CHL1: variants seen among roughly 807,000 people sequenced by gnomAD.
CHL1 encodes the protein cell adhesion molecule L1 like, also known as neural cell adhesion molecule L1-like protein.
Under a neutral mutation model 141.9 loss-of-function variants are expected in CHL1, and 96 were observed. That is an observed-to-expected ratio of 0.68 (90% CI 0.57 to 0.80). The LOEUF is 0.80. Ranked by LOEUF, CHL1 falls within the 30% of genes least tolerant of loss-of-function variation. CHL1 has a pLI of 0.00. For synonymous variants in CHL1, 613 were observed against 502.2 expected (o/e 1.22, Z -2.95); for missense variants, 1,820 against 1,457.2 (o/e 1.25, Z -4.05).
intron 2 of CHL1, among the ~76,000 whole-genome samples, chr3:257,880 C>T (rs528534788): frequency 6.6e-6 from 1 of 152,244 alleles, no homozygotes; most frequent in Non-Finnish European, 1.5e-5. Context: ...ATAATCATGT[C>T]ACTTAAATAG....
chr3:389,586 C>A, intron 20 of CHL1, 112 bp downstream of exon 20: 1 of 786,072 alleles, frequency 1.3e-6, no homozygotes, highest in Non-Finnish European at 2.1e-6. Flanking sequence ...AGAGGATGTA[C>A]TAGCCGTGGG....
At chr3:345,205 TAGTC>T (rs1417811174) in intron 9 of CHL1, among the ~76,000 whole-genome samples, 1 of 152,068 alleles carries the variant, frequency 6.6e-6, no homozygotes, top group Non-Finnish European at 1.5e-5. Flanking sequence ...AGGTTGTTGG[TAGTC>T]AGTCCCTCAC....
At chr3:252,705 T>G (rs1693817892) in intron 2 of CHL1, among the ~76,000 whole-genome samples, 1 of 152,054 alleles carries the variant, frequency 6.6e-6, no homozygotes, top group Non-Finnish European at 1.5e-5. Flanking sequence ...GAAAGAGTGC[T>G]GACATGAATT....
At chr3:341,304 T>C (rs1395879478) in intron 6 of CHL1, among the ~76,000 whole-genome samples, 1 of 152,200 alleles carries the variant, frequency 6.6e-6, no homozygotes, top group African/African-American at 2.4e-5. Flanking sequence ...AGTCTACTTC[T>C]AGCATATGCC....
chr3:328,286 A>C lies in CHL1; in HGVS notation c.317A>C (p.Lys106Thr). 1 of 1,612,678 alleles carries C rather than the reference A, an allele frequency of 6.2e-7. No homozygotes were observed. Among genetic ancestry groups the C allele is most frequent in the Non-Finnish European group, 8.5e-7 (1 of 1,179,080 alleles). Residue 106 changes from lysine to threonine, a missense_variant, in exon 5 of 28, where the codon AAA becomes ACA. Transcript: ENST00000256509. ...NEGHISHFQG[K>T]YRCFASNKLG... Reference sequence around the variant, plus strand: ...GGGCACATATCTCACTTTCAAGGGAAATACCGCTGCTTTGCTTCAAATAAA... The same window carrying C: ...GGGCACATATCTCACTTTCAAGGGACATACCGCTGCTTTGCTTCAAATAAA...
intron 9 of CHL1, among the ~76,000 whole-genome samples, chr3:349,068 A>G (rs530790373): frequency 6.6e-6 from 1 of 152,334 alleles, no homozygotes; most frequent in Non-Finnish European, 1.5e-5. Context: ...TCCTTCGCTC[A>G]GCCACACCTA....
chr3:319,088 A>G (rs1700352773), intron 2 of CHL1, among the ~76,000 whole-genome samples: 1 of 142,522 alleles, frequency 7.0e-6, no homozygotes, highest in African/African-American at 2.7e-5. Context: ...GTTCTCATTT[A>G]GAAGTGGAAG....
intron 2 of CHL1, among the ~76,000 whole-genome samples, chr3:285,402 A>G (rs1165297651): frequency 6.6e-6 from 1 of 152,216 alleles, no homozygotes; most frequent in East Asian, 1.9e-4. Context: ...ATATTTTTAT[A>G]CTGCAATTAA....
chr3:369,231 T>C (rs539464674), intron 15 of CHL1, among the ~76,000 whole-genome samples: 1 of 96,778 alleles, frequency 1.0e-5, no homozygotes. Flanking sequence ...TCCATGAGGA[T>C]GGGATTTTTT....
chr3:382,536 G>T lies in CHL1; in HGVS notation c.2041G>T (p.Val681Phe), dbSNP rs769437685. 2 of 1,613,878 alleles carry T rather than the reference G, an allele frequency of 1.2e-6. No homozygotes were observed. The highest frequency in any genetic ancestry group is 4.5e-5 in the East Asian group (2 of 44,878). ...TGGAAGGTGGGAGGAACTGACCAGA[G>T]TCCAAGGAAAGAAAACCACAGTTAT... is the stretch of plus-strand genomic sequence containing the variant. The part of the protein sequence containing the change: ...EPGRWEELTR[V>F]QGKKTTVILP... The change falls in exon 18 of 28, where the codon GTC (valine) becomes TTC (phenylalanine). Residue 681 changes from valine (V) to phenylalanine (F), a missense_variant. Transcript: ENST00000256509.
chr3:314,050 G>A (rs1366910468), intron 2 of CHL1, among the ~76,000 whole-genome samples: 3 of 152,040 alleles, frequency 2.0e-5, no homozygotes, highest in Non-Finnish European at 4.4e-5. Context: ...AAGAGGTGCA[G>A]ACAGTATGGT....
rs573129212 is a variant in CHL1 at position 319,484 on chromosome 3, A to T, written c.-94-199A>T. Among the ~76,000 whole-genome samples, 17 of 151,450 alleles carry T rather than the reference A, an allele frequency of 1.1e-4. No homozygotes were observed. The South Asian group carries it at 2.9e-3, about 26-fold the overall frequency. The stretch of plus-strand genomic sequence containing the variant: ...TGGAATAGTCTGTGGTTTACAATAG[A>T]GTATATATTCGCTGTCCTTTATTTT... On this transcript the variant is annotated intron_variant, in intron 2 of 27. Transcript: ENST00000256509.
At chr3:279,268 A>G (rs1241666256) in intron 2 of CHL1, among the ~76,000 whole-genome samples, 1 of 152,152 alleles carries the variant, frequency 6.6e-6, no homozygotes, top group African/African-American at 2.4e-5. Context: ...GGTTTCTTGC[A>G]TCATTTTTCT....
At chr3:312,840 A>G (rs948739452) in intron 2 of CHL1, among the ~76,000 whole-genome samples, 1 of 152,196 alleles carries the variant, frequency 6.6e-6, no homozygotes, top group Non-Finnish European at 1.5e-5. Flanking sequence ...AGACTATTAT[A>G]CAAATCCATT....
chr3:265,185 G>A (rs1265765995), intron 2 of CHL1, among the ~76,000 whole-genome samples: 3 of 152,100 alleles, frequency 2.0e-5, no homozygotes, highest in African/African-American at 7.2e-5. Context: ...AAACTGCTAA[G>A]GTTCACATTC....
intron 15 of CHL1, among the ~76,000 whole-genome samples, chr3:375,286 G>A (rs1230496967): frequency 1.3e-5 from 2 of 152,006 alleles, no homozygotes; most frequent in Non-Finnish European, 2.9e-5. Flanking sequence ...CATGACTGTA[G>A]GCAAAGGGAG....
intron 15 of CHL1, among the ~76,000 whole-genome samples, chr3:371,581 A>C (rs1452634442): frequency 6.6e-6 from 1 of 152,224 alleles, no homozygotes. Flanking sequence ...TGTGACTTTT[A>C]ATTTGGCTAC....
intron 22 of CHL1, 34 bp from the exon 23 acceptor site, chr3:391,641 G>C (rs1708236993): frequency 2.0e-6 from 3 of 1,520,942 alleles, no homozygotes; most frequent in Non-Finnish European, 9.0e-7. Flanking sequence ...TTTTCTAATT[G>C]ATGTGAGTTT....
chr3:403,643 C>G (rs567493082), intron 27 of CHL1, among the ~76,000 whole-genome samples: 10 of 152,218 alleles, frequency 6.6e-5, no homozygotes, highest in African/African-American at 1.9e-4. Context: ...AAAAACAATG[C>G]CTTGTCTAAA....
Sources: allele counts gnomAD v4.1 joint callset (sites outside exome capture counted in the v4.1 genomes callset), GRCh38; gene constraint gnomAD v4.1.1; transcripts MANE v1.5; gene names NCBI Gene and HGNC (gene_info 2026-07-23, HGNC 2026-07-21).